The following SYNE1 variants were observed in gnomAD, a reference collection of about 807,000 sequenced individuals.
The protein encoded by SYNE1 is nesprin-1.
A neutral mutation model predicts 1,111.0 loss-of-function variants in SYNE1; 616 were observed. That is an observed-to-expected ratio of 0.55 (90% CI 0.52 to 0.59). SYNE1 has a LOEUF of 0.59. Among genes scored for constraint, SYNE1 ranks in the 20% least tolerant of loss-of-function variants. The pLI is 0.00. For missense variants in SYNE1, 10,006 were observed against 10,417.0 expected (o/e 0.96, Z 1.72); for synonymous variants, 3,855 against 3,825.8 (o/e 1.01, Z -0.28).
intron 86 of SYNE1, 85 bp from the exon 87 acceptor site, chr6:152,317,071 AAC>A (rs888961301): frequency 2.0e-5 from 30 of 1,513,714 alleles, no homozygotes; most frequent in Non-Finnish European, 2.6e-5. Flanking sequence ...CTTTGGACAC[AAC>A]AGTCTTAGGG....
chr6:152,437,334 G>C (rs1042813246), intron 32 of SYNE1, among the ~76,000 whole-genome samples: 2 of 152,172 alleles, frequency 1.3e-5, no homozygotes, highest in African/African-American at 4.8e-5. Context: ...ATCACTAGTT[G>C]TTTGACTTTG....
intron 133 of SYNE1, among the ~76,000 whole-genome samples, chr6:152,154,166 G>A (rs1301370158): frequency 6.6e-6 from 1 of 152,128 alleles, no homozygotes; most frequent in Non-Finnish European, 1.5e-5. Context: ...TTTGGGCTAG[G>A]TCAGGTCTTC....
chr6:152,350,307 A>G lies in SYNE1; in HGVS notation c.11762T>C (p.Val3921Ala). 6.2e-7 allele frequency: 1 copy of G among 1,614,048 alleles called. No homozygotes were observed. Among genetic ancestry groups the G allele is most frequent in the Non-Finnish European group, 8.5e-7 (1 of 1,180,024 alleles). Reference sequence around the variant, plus strand: ...ACTGTTGTAGTCTTCATGGTCTTTGACTTTCGCCTCCAGACTGAAGACATG... The same window carrying G: ...ACTGTTGTAGTCTTCATGGTCTTTGGCTTTCGCCTCCAGACTGAAGACATG... ...KEHVFSLEAK[V>A]KDHEDYNSEL... Residue 3921 changes from valine to alanine, a missense_variant, in exon 72 of 146, where the codon GTC becomes GCC. This residue lies in a region of SYNE1 where 4,955 missense variants were observed against 5,017.2 expected (regional missense o/e 0.99). Transcript: ENST00000367255.
In SYNE1 at chr6:152,511,018, T is replaced by C. The variant is rs749161966; in HGVS notation, c.395A>G (p.Tyr132Cys). The C allele has an allele frequency of 1.2e-6, 2 of 1,613,830 alleles. No individual in the cohort carries two copies. Among genetic ancestry groups the C allele is most frequent in the South Asian group, 1.1e-5 (1 of 91,078 alleles). ...VLGLMWTIIL[Y>C]FQIEELTSNL... ...GGAACTGTAGCACAATACCTGGAAA[T>C]ATAGAATAATGGTCCACATCAATCC... Residue 132 changes from tyrosine to cysteine, a missense_variant, in exon 7 of 146, where the codon TAT becomes TGT. Transcript: ENST00000367255.
chr6:152,494,766 C>A (rs1197521835), intron 11 of SYNE1, among the ~76,000 whole-genome samples: 1 of 152,220 alleles, frequency 6.6e-6, no homozygotes, highest in Non-Finnish European at 1.5e-5. Context: ...CTCAAGGCTG[C>A]TTTACTTCCA....
intron 45 of SYNE1, among the ~76,000 whole-genome samples, chr6:152,406,537 T>G (rs1050759344): frequency 6.6e-6 from 1 of 150,640 alleles, no homozygotes; most frequent in African/African-American, 2.4e-5. Flanking sequence ...TAGCAAAAGA[T>G]AGTTAAGAGT....
At chr6:152,156,546 C>T (rs1255470809) in intron 131 of SYNE1, among the ~76,000 whole-genome samples, 2 of 152,146 alleles carry the variant, frequency 1.3e-5, no homozygotes, top group Admixed American at 6.6e-5. Context: ...TATTTGCATA[C>T]CTCCTACACA....
chr6:152,441,072 TTTTG>T (rs2098525507), intron 32 of SYNE1, 54 bp downstream of exon 32: 15 of 1,591,924 alleles, frequency 9.4e-6, no homozygotes, highest in Admixed American at 8.4e-5. Context: ...GGAGAAATCA[TTTTG>T]TTTGTTTTGC....
intron 55 of SYNE1, among the ~76,000 whole-genome samples, chr6:152,384,566 T>A (rs1304816928): frequency 1.3e-5 from 2 of 152,216 alleles, no homozygotes; most frequent in African/African-American, 4.8e-5. Context: ...GATAATACTT[T>A]TAAAGCACTT....
In SYNE1 at chr6:152,239,516, G is replaced by C. The variant is rs368952239; in HGVS notation, c.20067+17C>G. 11 of 1,613,982 alleles carry C rather than the reference G, an allele frequency of 6.8e-6. No individual in the cohort carries two copies. The highest frequency in any genetic ancestry group is 1.3e-5 in the African/African-American group (1 of 74,910). ...AGGAAGTTTGCAGCACAGAAGATAT[G>C]ACATCAATGGTCTCACCTCTAGAAT... On this transcript the variant is annotated intron_variant, in intron 108 of 145. Transcript: ENST00000367255.
intron 92 of SYNE1, among the ~76,000 whole-genome samples, chr6:152,301,551 T>C (rs1395655487): frequency 6.6e-6 from 1 of 152,186 alleles, no homozygotes; most frequent in South Asian, 2.1e-4. Context: ...ACTAAAACAC[T>C]GTGCAAGTAA....
At chr6:152,282,051 A>C in intron 96 of SYNE1, 71 bp from the exon 97 acceptor site, 2 of 1,520,412 alleles carry the variant, frequency 1.3e-6, no homozygotes, top group Middle Eastern at 1.9e-4. Context: ...ACAGTAAAGC[A>C]ATGGTTCCAG....
Position 152,283,123 on chromosome 6 carries a change from G to T in SYNE1, c.18207+855C>A, listed in dbSNP as rs75157010. On this transcript the variant is annotated intron_variant, in intron 96 of 145. Coordinates refer to ENST00000367255, the MANE Select transcript of SYNE1 (RefSeq NM_182961.4). ...GAGTAGCCTAGAAGCTTAGGGCCAA[G>T]AATTTACGAGAGAACAAATAAAAAA... Among the ~76,000 whole-genome samples the T allele has an allele frequency of 6.7e-3, 1,015 of 152,200 alleles. 6 individuals carry two copies. Among genetic ancestry groups the T allele is most frequent in the Non-Finnish European group, 8.7e-3 (593 of 68,010 alleles).
chr6:152,367,647 A>C, intron 61 of SYNE1: 1 of 472,244 alleles, frequency 2.1e-6, no homozygotes, highest in Non-Finnish European at 3.9e-6. Context: ...TTAAATCAGT[A>C]AAATTTCTCC....
intron 2 of SYNE1, among the ~76,000 whole-genome samples, chr6:152,634,859 A>G (rs1026984543): frequency 2.0e-5 from 3 of 152,270 alleles, no homozygotes; most frequent in African/African-American, 7.2e-5. Flanking sequence ...GTTAGATTAG[A>G]CCACAAAGAA....
intron 3 of SYNE1, among the ~76,000 whole-genome samples, chr6:152,623,581 C>G (rs1727050): frequency 0.76 from 115,869 of 151,504 alleles, 44,714 homozygotes; most frequent in African/African-American, 0.88. Flanking sequence ...ACAGTGAACA[C>G]ACAACCTACA....
intron 3 of SYNE1, among the ~76,000 whole-genome samples, chr6:152,543,242 G>C (rs2099280591): frequency 6.6e-6 from 1 of 151,884 alleles, no homozygotes; most frequent in Admixed American, 6.6e-5. Context: ...TTCTTTACGT[G>C]TTTCCTTTTT....
chr6:152,281,701 G>A (rs1283743802), intron 97 of SYNE1, 106 bp downstream of exon 97: 2 of 1,204,632 alleles, frequency 1.7e-6, no homozygotes, highest in East Asian at 4.9e-5. Context: ...TCTATGGGTT[G>A]GGAAAAATCA....
intron 87 of SYNE1, among the ~76,000 whole-genome samples, chr6:152,314,876 G>A (rs1297433038): frequency 7.0e-6 from 1 of 142,542 alleles, no homozygotes; most frequent in Non-Finnish European, 1.5e-5. Flanking sequence ...ACTTGAACCT[G>A]CCCAGGCTGT....
Sources: gnomAD v4.1 joint callset for allele counts (sites outside exome capture counted in the v4.1 genomes callset) on GRCh38, gnomAD v4.1.1 for gene constraint, gnomAD v4.1.1 regional missense constraint, MANE v1.5 for transcripts, NCBI Gene and HGNC (gene_info 2026-07-23, HGNC 2026-07-21) for gene names.